PLA2G6: variants seen among roughly 807,000 people sequenced by gnomAD.
PLA2G6 encodes 85/88 kDa calcium-independent phospholipase A2.
A neutral mutation model predicts 83.8 loss-of-function variants in PLA2G6; 62 were observed. The ratio of observed to expected loss-of-function variants is 0.74; its 90% CI spans 0.60 to 0.91. The LOEUF is 0.91. Among genes scored for constraint, PLA2G6 ranks in the 40% least tolerant of loss-of-function variants. The pLI is 0.00. For synonymous variants in PLA2G6, 417 were observed against 449.8 expected, an observed-to-expected ratio of 0.93 and a Z score of 0.92; for missense variants, 944 against 1,102.0, an observed-to-expected ratio of 0.86 and a Z score of 2.03.
intron 2 of PLA2G6, among the ~76,000 whole-genome samples, chr22:38,164,087 C>A (rs1000702269): frequency 3.3e-5 from 5 of 152,140 alleles, no homozygotes; most frequent in Admixed American, 2.6e-4. Context: ...TGTTACAAGT[C>A]AATGCCAGCC....
At chr22:38,117,078 A>C (rs1184545392) in intron 12 of PLA2G6, among the ~76,000 whole-genome samples, 2 of 151,524 alleles carry the variant, frequency 1.3e-5, no homozygotes, top group Non-Finnish European at 2.9e-5. Flanking sequence ...AGAAGAATTT[A>C]CTATCAAGTT....
chr22:38,165,969 A>G (rs1471242345), intron 2 of PLA2G6, among the ~76,000 whole-genome samples: 1 of 152,200 alleles, frequency 6.6e-6, no homozygotes, highest in Non-Finnish European at 1.5e-5. Flanking sequence ...TGCCCTCTGG[A>G]AACAGCGCTG....
chr22:38,180,140 G>GACACACACAC (rs133028), intron 1 of PLA2G6, among the ~76,000 whole-genome samples: 113 of 137,910 alleles, frequency 8.2e-4, no homozygotes, highest in East Asian at 1.5e-3. Context: ...GATGTCTGCA[G>GACACACACAC]ACACACACAC....
chr22:38,145,320 T>C, intron 3 of PLA2G6, 118 bp downstream of exon 3: 1 of 866,944 alleles, frequency 1.2e-6, no homozygotes, highest in Non-Finnish European at 1.9e-6. Flanking sequence ...TGAGCGACCA[T>C]GCCAGGCCCT....
At chr22:38,180,506 T>TA (rs2090805551) in intron 1 of PLA2G6, 1 of 152,200 alleles carries the variant, frequency 6.6e-6, no homozygotes, top group South Asian at 2.1e-4. Context: ...AAACGATGAC[T>TA]GAATGAATGG....
At chr22:38,124,378 T>C (rs1358546540) in intron 10 of PLA2G6, among the ~76,000 whole-genome samples, 1 of 152,162 alleles carries the variant, frequency 6.6e-6, no homozygotes, top group Non-Finnish European at 1.5e-5. Context: ...GGACTGGACC[T>C]GGACCCAGGT....
chr22:38,155,023 C>T (rs953197210), intron 2 of PLA2G6, among the ~76,000 whole-genome samples: 4 of 152,064 alleles, frequency 2.6e-5, no homozygotes, highest in African/African-American at 7.2e-5. Flanking sequence ...GTCAGGAGAT[C>T]GAGACTATCC....
At chr22:38,144,968 C>T in intron 3 of PLA2G6, 1 of 349,432 alleles carries the variant, frequency 2.9e-6, no homozygotes, top group Non-Finnish European at 5.6e-6. Context: ...ACCTGGTGAG[C>T]ACTCCGGACT....
In PLA2G6 at chr22:38,169,486, G is replaced by C; in HGVS notation, c.-45-15C>G. 6.8e-7 allele frequency: 1 copy of C among 1,464,720 alleles called. No individual in the cohort carries two copies. The highest frequency in any genetic ancestry group is 9.5e-7 in the Non-Finnish European group (1 of 1,057,366). 90.7% of individuals were successfully genotyped at this position (1,464,720 alleles called of 1,614,324 possible). On this transcript the variant is annotated splice_polypyrimidine_tract_variant and intron_variant, in intron 1 of 16. Coordinates refer to ENST00000332509, the MANE Select transcript of PLA2G6 (RefSeq NM_003560.4). ...TCCCCCTCTGTCTGGAAGAAAACGA[G>C]GTCTCTGGTCAGCCAGGCACAGTCT...
chr22:38,157,363 T>C (rs1394072437), intron 2 of PLA2G6, among the ~76,000 whole-genome samples: 1 of 152,042 alleles, frequency 6.6e-6, no homozygotes, highest in Admixed American at 6.6e-5. Flanking sequence ...CTAGAAGAAA[T>C]GGATAAATTC....
At chr22:38,126,597 A>G (rs933643099) in intron 9 of PLA2G6, 148 bp from the exon 10 acceptor site, 4 of 678,150 alleles carry the variant, frequency 5.9e-6, no homozygotes, top group Non-Finnish European at 1.1e-5. Flanking sequence ...CCTTCCCCAC[A>G]GGAAGGACTC....
At chr22:38,145,684 G>C (rs146167080) in intron 2 of PLA2G6, 31 bp from the exon 3 acceptor site, 1 of 1,501,352 alleles carries the variant, frequency 6.7e-7, no homozygotes, top group Non-Finnish European at 9.2e-7. Context: ...AGCAAGACCC[G>C]AAATGAGTAA....
chr22:38,126,453 TGAGGCACAGA>T lies in PLA2G6; in HGVS notation c.1349-14_1349-5del, dbSNP rs751874222. ...ATGTGCATGAGATCCTGTAGTTCTG[TGAGGCACAGA>T]GCAGGGCATGCTGTGGTCAGGTGGG... On this transcript the variant is annotated splice_polypyrimidine_tract_variant and splice_region_variant and intron_variant, in intron 9 of 16. Coordinates refer to ENST00000332509, the MANE Select transcript of PLA2G6 (RefSeq NM_003560.4). 6.2e-7 allele frequency: 1 copy of T among 1,612,092 alleles called. No homozygotes were observed. The highest frequency in any genetic ancestry group is 1.1e-5 in the South Asian group (1 of 91,052).
At position 38,128,638 on chromosome 22, in the gene PLA2G6, G is replaced by A. The variant is rs1343874928; in HGVS notation, c.1187-208C>T. Among the ~76,000 whole-genome samples the A allele has an allele frequency of 6.6e-6, 1 of 152,222 alleles. No homozygotes were observed. Among genetic ancestry groups the A allele is most frequent in the Non-Finnish European group, 1.5e-5 (1 of 68,036 alleles). On this transcript the variant is annotated intron_variant, in intron 8 of 16. Coordinates refer to ENST00000332509, the MANE Select transcript of PLA2G6 (RefSeq NM_003560.4). The surrounding 1 kb of genome is among the most constrained non-coding windows in gnomAD (Gnocchi z 4.4). The stretch of plus-strand genomic sequence containing the variant: ...CAAGCAGCTTCCTAAGGCCAGGGAA[G>A]GAGGATATGGGAGGAGGAGGTCAGT...
intron 1 of PLA2G6, among the ~76,000 whole-genome samples, chr22:38,170,294 T>C (rs2090388956): frequency 6.6e-6 from 1 of 151,674 alleles, no homozygotes; most frequent in African/African-American, 2.4e-5. Context: ...ACCAGCATCA[T>C]GTCACACTCT....
At chr22:38,150,157 C>T (rs1462768593) in intron 2 of PLA2G6, 1 of 151,902 alleles carries the variant, frequency 6.6e-6, no homozygotes, top group Non-Finnish European at 1.5e-5. Flanking sequence ...CCTAAAATCA[C>T]TGATATTCCT....
Position 38,145,510 on chromosome 22 carries a change from G to A in PLA2G6, c.353C>T (p.Pro118Leu), listed in dbSNP as rs765125582. 5.6e-6 allele frequency: 9 copies of A among 1,613,226 alleles called. No individual in the cohort carries two copies. Among genetic ancestry groups the A allele is most frequent in the Non-Finnish European group, 7.6e-6 (9 of 1,179,790 alleles). ...QHLTDLIRNH[P>L]SWSVAHLAVE... ...AGCCAGGTGGGCCACTGACCAGCTG[G>A]GGTGGTTACGGATGAGGTCGGTCAG... Residue 118 changes from proline to leucine, a missense_variant, in exon 3 of 17, where the codon CCC becomes CTC. Transcript: ENST00000332509.
At chr22:38,131,812 G>A (rs2088227891) in intron 7 of PLA2G6, 1 of 272,308 alleles carries the variant, frequency 3.7e-6, no homozygotes, top group African/African-American at 2.3e-5. Context: ...CACACGGTGG[G>A]GCGCGGTGGC....
intron 12 of PLA2G6, among the ~76,000 whole-genome samples, chr22:38,117,420 C>A (rs2284059): frequency 0.068 from 10,348 of 151,970 alleles, 439 homozygotes; most frequent in East Asian, 0.21. Flanking sequence ...TGGTCTTGAT[C>A]TCCTGACCTC....
Sources: gnomAD v4.1 joint callset for allele counts (sites outside exome capture counted in the v4.1 genomes callset) on GRCh38, gnomAD v4.1.1 for gene constraint, Gnocchi (gnomAD v3.1) non-coding constraint, MANE v1.5 for transcripts, NCBI Gene and HGNC (gene_info 2026-07-23, HGNC 2026-07-21) for gene names.